NME1: variants seen among roughly 807,000 people sequenced by gnomAD.
NME1 encodes the protein nucleoside diphosphate kinase A.
In NME1, 9 loss-of-function variants were observed where a neutral mutation model predicts 17.2. That is an observed-to-expected ratio of 0.52 (90% CI 0.32 to 0.92). The LOEUF is 0.92. Ranked by LOEUF, NME1 falls within the 40% of genes least tolerant of loss-of-function variation. The pLI, the probability that NME1 is intolerant of heterozygous loss-of-function variation, is 0.04. For synonymous variants in NME1, 72 were observed against 70.8 expected (o/e 1.02, Z -0.09); for missense variants, 169 against 201.7 (o/e 0.84, Z 0.98).
At chr17:51,157,801 T>C (rs764452470) in intron 2 of NME1, among the ~76,000 whole-genome samples, 3 of 152,166 alleles carry the variant, frequency 2.0e-5, no homozygotes, top group Non-Finnish European at 4.4e-5. Flanking sequence ...TGCAGATACT[T>C]TCTCCTTTAC....
intron 1 of NME1, 144 bp downstream of exon 1, chr17:51,153,806 T>G: frequency 6.4e-6 from 1 of 157,380 alleles, no homozygotes; most frequent in Non-Finnish European, 1.4e-5. Flanking sequence ...GGAGCGCCTG[T>G]GGACAAGTGC....
At chr17:51,155,369 C>T (rs987949426) in intron 1 of NME1, among the ~76,000 whole-genome samples, 1 of 151,808 alleles carries the variant, frequency 6.6e-6, no homozygotes, top group African/African-American at 2.4e-5. Context: ...GGCAACATAG[C>T]GAAACCCCAT....
In NME1 at chr17:51,161,193, C is replaced by G. The variant is rs778813496; in HGVS notation, c.262C>G (p.Arg88Gly). The stretch of plus-strand genomic sequence containing the variant: ...GGGGCTGAATGTGGTGAAGACGGGC[C>G]GAGTCATGCTCGGGGAGACCAACCC... ...WEGLNVVKTG[R>G]VMLGETNPAD... The change falls in exon 4 of 5, where the codon CGA (arginine) becomes GGA (glycine). Residue 88 changes from arginine (R) to glycine (G), a missense_variant. Coordinates refer to ENST00000393196, the MANE Select transcript of NME1 (RefSeq NM_000269.3). 5.0e-6 allele frequency: 8 copies of G among 1,612,412 alleles called. No homozygotes were observed. The highest frequency in any genetic ancestry group is 6.8e-6 in the Non-Finnish European group (8 of 1,179,432).
At chr17:51,157,963 G>A (rs1568121129) in intron 2 of NME1, among the ~76,000 whole-genome samples, 2 of 152,248 alleles carry the variant, frequency 1.3e-5, no homozygotes, top group South Asian at 4.1e-4. Flanking sequence ...AAAAAAGCCC[G>A]TGATCTGTTT....
intron 2 of NME1, among the ~76,000 whole-genome samples, chr17:51,158,116 C>T (rs1176290410): frequency 1.3e-5 from 2 of 152,140 alleles, no homozygotes; most frequent in Non-Finnish European, 2.9e-5. Context: ...CCCGTCTCTA[C>T]TAAAAATACA....
chr17:51,160,391 A>C (rs1292870207), intron 3 of NME1: 1 of 423,638 alleles, frequency 2.4e-6, no homozygotes, highest in African/African-American at 2.0e-5. Flanking sequence ...AAACATTTCC[A>C]GCCAAGCAAA....
At chr17:51,156,150 G>GT (rs2049782905) in intron 2 of NME1, 2 of 320,854 alleles carry the variant, frequency 6.2e-6, no homozygotes, top group Non-Finnish European at 1.2e-5. Context: ...GAGACAGGTT[G>GT]TTTTTTAGCA....
At chr17:51,159,959 A>C (rs1390583216) in intron 2 of NME1, 21 bp from the exon 3 acceptor site, 2 of 1,613,726 alleles carry the variant, frequency 1.2e-6, no homozygotes, top group Non-Finnish European at 1.7e-6. Context: ...GGTTATTCTC[A>C]TTCTCTGTCC....
At chr17:51,156,679 G>A (rs1393384447) in intron 2 of NME1, 2 of 151,860 alleles carry the variant, frequency 1.3e-5, no homozygotes, top group Admixed American at 1.3e-4. Flanking sequence ...GATCACCTGA[G>A]GTCAGGAGTT....
At position 51,162,049 on chromosome 17, in the gene NME1, G is replaced by T. The variant is rs2049871862; in HGVS notation, c.*204G>T. 7.2e-6 allele frequency: 4 copies of T among 554,422 alleles called. No individual in the cohort carries two copies. The Admixed American group carries it at 1.2e-4, about 17-fold the overall frequency. 34.3% of individuals were successfully genotyped at this position (554,422 alleles called of 1,614,324 possible). A position where few individuals can be genotyped will look rare whatever the true frequency, so the allele number is the denominator to read the frequency against. ...TTCCTCCCAGCATAGGATTCATTGA[G>T]TTGGTTACTTCATATTGTTGCATTG... On this transcript the variant is annotated 3_prime_UTR_variant, in exon 5 of 5. Coordinates refer to ENST00000393196, the MANE Select transcript of NME1 (RefSeq NM_000269.3).
At chr17:51,154,202 TC>T (rs2049750082) in intron 1 of NME1, 1 of 607,404 alleles carries the variant, frequency 1.6e-6, no homozygotes, top group South Asian at 1.9e-5. Flanking sequence ...TAAATGATTT[TC>T]TTTGCTCCTA....
intron 1 of NME1, chr17:51,154,087 T>C: frequency 2.2e-6 from 1 of 462,190 alleles, no homozygotes; most frequent in Non-Finnish European, 4.0e-6. Context: ...TCCTGTTTTC[T>C]CCTGGACAAT....
chr17:51,162,140 A>T lies in NME1; in HGVS notation c.*295A>T. ...CTAATAGAGAGTGTAAATACTATAA[A>T]AATGATTTATTTTGAGGTCTCACAT... On this transcript the variant is annotated 3_prime_UTR_variant, in exon 5 of 5. Transcript: ENST00000393196. The T allele has an allele frequency of 3.3e-6, 1 of 303,446 alleles. No homozygotes were observed. The highest frequency in any genetic ancestry group is 2.2e-5 in the African/African-American group (1 of 46,366). The allele number at this position is 303,446 out of a possible 1,614,324, so 18.8% of individuals were successfully genotyped here. A position where few individuals can be genotyped will look rare whatever the true frequency, so the allele number is the denominator to read the frequency against.
In NME1 at chr17:51,153,934, G is replaced by A. The variant is rs577093411; in HGVS notation, c.-5+272G>A. The A allele has an allele frequency of 6.7e-5, 13 of 193,528 alleles. No homozygotes were observed. In the South Asian group the frequency reaches 7.7e-4, roughly 12 times the overall value. 12.0% of individuals were successfully genotyped at this position (193,528 alleles called of 1,614,324 possible). A position where few individuals can be genotyped will look rare whatever the true frequency, so the allele number is the denominator to read the frequency against. On this transcript the variant is annotated intron_variant, in intron 1 of 4. Transcript: ENST00000393196. ...TTGTGTCTGTCGAGAGCAGTGCCGG[G>A]CACGGAGTTGGCGCTCTGTAAGTGC...
At chr17:51,154,467 T>A in intron 1 of NME1, 1 of 1,606,950 alleles carries the variant, frequency 6.2e-7, no homozygotes, top group Non-Finnish European at 8.5e-7. Flanking sequence ...CGCAGTCTTC[T>A]GTAAAATGAG....
intron 3 of NME1, 65 bp from the exon 4 acceptor site, chr17:51,161,095 T>C (rs1043627136): frequency 3.3e-6 from 5 of 1,502,354 alleles, no homozygotes; most frequent in Admixed American, 3.9e-5. Flanking sequence ...TTTGAATTAA[T>C]AGTTGCCAGA....
intron 2 of NME1, chr17:51,156,512 C>A (rs978083282): frequency 6.5e-6 from 1 of 153,186 alleles, no homozygotes; most frequent in Non-Finnish European, 1.5e-5. Flanking sequence ...CATTGTGAAA[C>A]CCCGTCTCTA....
rs752211211 is a variant in NME1 at position 51,161,256 on chromosome 17, T to C, written c.325T>C (p.Cys109Arg). ...GCCTGGGACCATCCGTGGAGACTTCTGCATACAAGTTGGCAGGTGAGATTT... is the reference window on the plus strand; with the variant it reads ...GCCTGGGACCATCCGTGGAGACTTCCGCATACAAGTTGGCAGGTGAGATTT... ...SKPGTIRGDF[C>R]IQVGRNIIHG... The change falls in exon 4 of 5, where the codon TGC becomes CGC. Residue 109 changes from cysteine to arginine, a missense_variant. By Grantham distance (180) the Cys-to-Arg change is radical (BLOSUM62 -3). Coordinates refer to ENST00000393196, the MANE Select transcript of NME1 (RefSeq NM_000269.3). 8 of 1,610,956 alleles carry C rather than the reference T, an allele frequency of 5.0e-6. No homozygotes were observed. The Admixed American group carries it at 5.0e-5, about 10-fold the overall frequency.
At position 51,154,458 on chromosome 17, in the gene NME1, G is replaced by T; in HGVS notation, c.-5+796G>T. ...CTGTGATACAGGGTAGGTCATGAGC[G>T]CAGTCTTCTGTAAAATGAGGGATCT... is the stretch of plus-strand genomic sequence containing the variant. On this transcript the variant is annotated intron_variant, in intron 1 of 4. Transcript: ENST00000393196. The T allele has an allele frequency of 4.3e-6, 7 of 1,611,514 alleles. No homozygotes were observed. In the South Asian group the frequency reaches 4.4e-5, roughly 10 times the overall value.
Sources: gnomAD v4.1 joint callset for allele counts (sites outside exome capture counted in the v4.1 genomes callset) on GRCh38, gnomAD v4.1.1 for gene constraint, MANE v1.5 for transcripts, NCBI Gene and HGNC (gene_info 2026-07-23, HGNC 2026-07-21) for gene names.